PPARG: variants seen among roughly 807,000 people sequenced by gnomAD.
PPARG encodes peroxisome proliferator activated receptor gamma.
In PPARG, 17 loss-of-function variants were observed where a neutral mutation model predicts 39.2. The ratio of observed to expected loss-of-function variants is 0.43; its 90% CI spans 0.30 to 0.65. PPARG has a LOEUF of 0.65. Ranked by LOEUF, PPARG falls within the 30% of genes least tolerant of loss-of-function variation. PPARG has a pLI of 0.13. For synonymous variants in PPARG, 223 were observed against 215.7 expected (o/e 1.03, Z -0.30); for missense variants, 406 against 585.9 (o/e 0.69, Z 3.17).
intron 1 of PPARG, among the ~76,000 whole-genome samples, chr3:12,310,791 TAAAAAAAAAAAAA>T (rs761238501): frequency 3.8e-4 from 19 of 50,358 alleles, no homozygotes; most frequent in South Asian, 2.5e-3. Flanking sequence ...GCCTTAAATG[TAAAAAAAAAAAAA>T]AAAAAAAAAA....
intron 2 of PPARG, chr3:12,372,187 T>TCCCCTGCC: frequency 1.4e-6 from 1 of 716,810 alleles, no homozygotes; most frequent in Non-Finnish European, 2.6e-6. Context: ...TCATAGTACA[T>TCCCCTGCC]CCCCTGCCCC....
chr3:12,300,137 C>T (rs529729012), intron 1 of PPARG, among the ~76,000 whole-genome samples: 31 of 152,060 alleles, frequency 2.0e-4, no homozygotes, highest in East Asian at 5.8e-4. Flanking sequence ...TATACAGGGC[C>T]GTGAAATGTT....
chr3:12,316,940 T>C (rs2125010010), intron 2 of PPARG, among the ~76,000 whole-genome samples: 1 of 152,246 alleles, frequency 6.6e-6, no homozygotes, highest in Admixed American at 6.5e-5. Context: ...TGCTAACTGA[T>C]GGTGAGGGAG....
At chr3:12,422,093 A>AT (rs1354963066) in intron 7 of PPARG, among the ~76,000 whole-genome samples, 3 of 152,224 alleles carry the variant, frequency 2.0e-5, no homozygotes, top group African/African-American at 4.8e-5. Flanking sequence ...AGATAGATAG[A>AT]TTTTTTAAAA....
At chr3:12,345,848 C>G (rs370482698) in intron 2 of PPARG, among the ~76,000 whole-genome samples, 173 of 152,276 alleles carry the variant, frequency 1.1e-3, no homozygotes, top group African/African-American at 4.0e-3. Flanking sequence ...ACAGGATGTG[C>G]TACCCAATAA....
chr3:12,398,619 A>G (rs1436264844), intron 5 of PPARG, among the ~76,000 whole-genome samples: 1 of 152,188 alleles, frequency 6.6e-6, no homozygotes, highest in Non-Finnish European at 1.5e-5. Flanking sequence ...AAGCTAAGGG[A>G]GAGGCACCAT....
At chr3:12,381,564 G>A (rs1475268706) in intron 4 of PPARG, 73 bp downstream of exon 4, 5 of 1,477,012 alleles carry the variant, frequency 3.4e-6, no homozygotes, top group Non-Finnish European at 4.7e-6. Context: ...CCCTTTTTTA[G>A]GTGATACAAT....
chr3:12,418,299 T>A (rs922382429), intron 7 of PPARG, among the ~76,000 whole-genome samples: 3 of 152,162 alleles, frequency 2.0e-5, no homozygotes, highest in Non-Finnish European at 2.9e-5. Context: ...CTCTCATGAG[T>A]AGAAGAAAGT....
Position 12,405,984 on chromosome 3 carries a change from C to T in PPARG, c.632C>T (p.Ala211Val). Residue 211 changes from alanine to valine, a missense_variant, in exon 6 of 8, where the codon GCC becomes GTC. Ala to Val is a moderately conservative substitution (Grantham distance 64). Coordinates refer to ENST00000651735, the MANE Select transcript of PPARG (RefSeq NM_138711.6). ...AATCCAGAGTCCGCTGACCTCCGGG[C>T]CCTGGCAAAACATTTGTATGACTCA... ...QLNPESADLR[A>V]LAKHLYDSYI... 6.2e-7 allele frequency: 1 copy of T among 1,614,098 alleles called. No individual in the cohort carries two copies. The highest frequency in any genetic ancestry group is 1.1e-5 in the South Asian group (1 of 91,080).
intron 2 of PPARG, among the ~76,000 whole-genome samples, chr3:12,318,041 A>G (rs886388591): frequency 6.6e-6 from 1 of 152,032 alleles, no homozygotes; most frequent in African/African-American, 2.4e-5. Flanking sequence ...TGGTGCAATC[A>G]TAGCTCACTG....
chr3:12,313,571 C>T (rs1574972965), intron 2 of PPARG, among the ~76,000 whole-genome samples: 1 of 152,274 alleles, frequency 6.6e-6, no homozygotes, highest in African/African-American at 2.4e-5. Flanking sequence ...CGAGATATTT[C>T]TGGTCCCAAA....
At chr3:12,308,535 T>G (rs1219353263) in intron 1 of PPARG, among the ~76,000 whole-genome samples, 1 of 152,096 alleles carries the variant, frequency 6.6e-6, no homozygotes, top group Non-Finnish European at 1.5e-5. Flanking sequence ...TTATTAAAAC[T>G]TAAATTGAAT....
intron 4 of PPARG, among the ~76,000 whole-genome samples, chr3:12,385,294 C>T (rs1010136926): frequency 2.6e-5 from 4 of 152,210 alleles, no homozygotes; most frequent in African/African-American, 9.6e-5. Flanking sequence ...CAGCATAAAA[C>T]AACTTTTGGT....
At chr3:12,395,990 A>G (rs890270358) in intron 5 of PPARG, among the ~76,000 whole-genome samples, 1 of 152,170 alleles carries the variant, frequency 6.6e-6, no homozygotes, top group Admixed American at 6.5e-5. Context: ...CTCATGGATA[A>G]TGTTGCTTCT....
intron 7 of PPARG, among the ~76,000 whole-genome samples, chr3:12,418,919 G>GTTT (rs2051167881): frequency 6.6e-6 from 1 of 152,032 alleles, no homozygotes. Context: ...GATATTGTGG[G>GTTT]TTTTTGTTGT....
At position 12,381,428 on chromosome 3, in the gene PPARG, T is replaced by C. The variant is rs761245370; in HGVS notation, c.327T>C (p.Cys109=). 21 of 1,613,646 alleles carry C rather than the reference T, an allele frequency of 1.3e-5. No homozygotes were observed. In the South Asian group the frequency reaches 2.2e-4, roughly 17 times the overall value. Residue 109 remains cysteine (C), a synonymous_variant, in exon 4 of 8, where the codon TGT becomes TGC. Coordinates refer to ENST00000651735, the MANE Select transcript of PPARG (RefSeq NM_138711.6). ...CCAACTCCCTCATGGCAATTGAATG[T>C]CGTGTCTGTGGAGATAAAGCTTCTG... ...EPSNSLMAIE[C]RVCGDKASGF... is the part of the protein sequence containing the mutation.
Position 12,351,176 on chromosome 3 carries a change from CA to C in PPARG, c.-8-28526del, listed in dbSNP as rs2048474922. Among the ~76,000 whole-genome samples the C allele has an allele frequency of 3.9e-5, 6 of 152,276 alleles. No individual in the cohort carries two copies. In the South Asian group the frequency reaches 1.2e-3, roughly 32 times the overall value. ...AGATTTAAGTTTTCCATTTAAGAAG[CA>C]ATTGTGAATTTTACAACAATAAAAA... On this transcript the variant is annotated intron_variant, in intron 2 of 7. Coordinates refer to ENST00000651735, the MANE Select transcript of PPARG (RefSeq NM_138711.6).
At chr3:12,375,370 A>G (rs989787905) in intron 2 of PPARG, among the ~76,000 whole-genome samples, 2 of 152,074 alleles carry the variant, frequency 1.3e-5, no homozygotes, top group Non-Finnish European at 2.9e-5. Context: ...TGAGCAACCA[A>G]TTTCTCTCCC....
At chr3:12,427,063 C>T (rs1427003678) in intron 7 of PPARG, among the ~76,000 whole-genome samples, 2 of 152,126 alleles carry the variant, frequency 1.3e-5, no homozygotes, top group East Asian at 3.8e-4. Flanking sequence ...TAATATGTAG[C>T]CAAAATTGAT....
Sources: allele counts gnomAD v4.1 joint callset (sites outside exome capture counted in the v4.1 genomes callset), GRCh38; gene constraint gnomAD v4.1.1; transcripts MANE v1.5; gene names NCBI Gene and HGNC (gene_info 2026-07-23, HGNC 2026-07-21).